BORA: variants seen among roughly 807,000 people sequenced by gnomAD.
BORA encodes the protein BORA aurora kinase A activator, also known as protein aurora borealis.
BORA carries 26 observed loss-of-function variants against 55.8 expected under a neutral mutation model. That is an observed-to-expected ratio of 0.47 (90% confidence interval 0.34 to 0.65). The LOEUF (loss-of-function observed/expected upper bound fraction) is 0.65, where lower values mean the gene tolerates loss of function less well. Ranked by LOEUF, BORA falls within the 30% of genes least tolerant of loss-of-function variation. BORA has a pLI of 0.01. For synonymous variants in BORA, 201 were observed against 216.9 expected, an observed-to-expected ratio of 0.93 and a Z score of 0.64; for missense variants, 568 against 671.5, an observed-to-expected ratio of 0.85 and a Z score of 1.70.
In BORA at chr13:72,729,093, A is replaced by G; in HGVS notation, c.153A>G (p.Pro51=). The G allele has an allele frequency of 6.4e-7, 1 of 1,552,402 alleles. No homozygotes were observed. Among genetic ancestry groups the G allele is most frequent in the South Asian group, 1.2e-5 (1 of 81,762 alleles). The change falls in exon 2 of 12, where the codon CCA becomes CCG. Residue 51 remains proline (P), a splice_region_variant and synonymous_variant. Transcript: ENST00000390667. The stretch of plus-strand genomic sequence containing the variant: ...CTGTTTTTAAATCAACAAAATTACC[A>G]GTAAGTTATTCCTGACTAGTGTTTA... ...SPSVFKSTKL[P]TPGKFRWSID...
intron 5 of BORA, among the ~76,000 whole-genome samples, chr13:72,742,697 A>G (rs2033056305): frequency 6.6e-6 from 1 of 152,014 alleles, no homozygotes; most frequent in Non-Finnish European, 1.5e-5. Context: ...CACAACAGCC[A>G]AGATATGGAG....
In BORA at chr13:72,753,932, A is replaced by ATT; in HGVS notation, c.1614+111_1614+112insTT. ...GAAACTATATGAAATTTAAAACACT[A>ATT]AAAGGTAAGCCTGTTTTCTTAACAT... On this transcript the variant is annotated intron_variant, in intron 11 of 11. Coordinates refer to ENST00000390667, the MANE Select transcript of BORA (RefSeq NM_024808.5). 3 of 1,118,864 alleles carry ATT rather than the reference A, an allele frequency of 2.7e-6. No homozygotes were observed. The South Asian group carries it at 5.2e-5, about 19-fold the overall frequency. The allele number at this position is 1,118,864 out of a possible 1,614,324, so 69.3% of individuals were successfully genotyped here.
Position 72,746,780 on chromosome 13 carries a change from A to C in BORA, c.1151A>C (p.His384Pro), listed in dbSNP as rs762432607. The C allele has an allele frequency of 4.3e-6, 7 of 1,614,018 alleles. No homozygotes were observed. In the African/African-American group the frequency reaches 9.3e-5, roughly 22 times the overall value. ...CCCGCCATGGATGCTGCTGGAATAC[A>C]CCTACGGCAGTTTAGTAATGAGGCT... Reference protein sequence around the residue: ...SSPAMDAAGIHLRQFSNEAST... With the variant: ...SSPAMDAAGIPLRQFSNEAST... Residue 384 changes from histidine to proline, a missense_variant, in exon 10 of 12, where the codon CAC becomes CCC. Transcript: ENST00000390667.
intron 2 of BORA, among the ~76,000 whole-genome samples, chr13:72,730,457 T>G (rs1017550763): frequency 6.6e-6 from 1 of 152,212 alleles, no homozygotes; most frequent in Non-Finnish European, 1.5e-5. Flanking sequence ...AGGATTTGGA[T>G]AAACCTTTAA....
intron 4 of BORA, among the ~76,000 whole-genome samples, chr13:72,737,370 A>G (rs1039319186): frequency 7.9e-5 from 12 of 152,232 alleles, no homozygotes; most frequent in African/African-American, 2.9e-4. Context: ...GAATTCCACC[A>G]TACAGATACA....
intron 11 of BORA, chr13:72,754,844 TAGCTAGGGCTACAGGCATGTGCC>T (rs2033402831): frequency 2.1e-5 from 5 of 240,192 alleles, no homozygotes; most frequent in Non-Finnish European, 4.0e-5. Context: ...GCCTCCTGAG[TAGCTAGGGCTACAGGCATGTGCC>T]ACCACACCCA....
At chr13:72,731,431 G>A (rs2032814538) in intron 3 of BORA, 44 bp downstream of exon 3, 2 of 1,324,846 alleles carry the variant, frequency 1.5e-6, no homozygotes, top group South Asian at 1.2e-5. Flanking sequence ...ACACTCTCAA[G>A]TGAAGAGAGG....
Position 72,728,936 on chromosome 13 carries a change from G to C in BORA, c.-5G>C, listed in dbSNP as rs1270132079. ...TTGATTTCTTTTTAGTTTTCTCTCT[G>C]TGCTATGGGAGATGTCAAGGAATCA... On this transcript the variant is annotated 5_prime_UTR_variant, in exon 2 of 12. Transcript: ENST00000390667. 4.4e-6 allele frequency: 7 copies of C among 1,591,702 alleles called. No homozygotes were observed. The highest frequency in any genetic ancestry group is 2.3e-5 in the East Asian group (1 of 44,174).
At chr13:72,731,507 G>A in intron 3 of BORA, 120 bp downstream of exon 3, 1 of 709,906 alleles carries the variant, frequency 1.4e-6, no homozygotes, top group Non-Finnish European at 2.4e-6. Flanking sequence ...TTTTGATGCA[G>A]ATTTTTTCTA....
chr13:72,733,207 C>A (rs1400085547), intron 3 of BORA, among the ~76,000 whole-genome samples: 1 of 152,182 alleles, frequency 6.6e-6, no homozygotes, highest in African/African-American at 2.4e-5. Flanking sequence ...TTCAGTATCT[C>A]TTCTTACATA....
intron 4 of BORA, among the ~76,000 whole-genome samples, chr13:72,735,383 C>T (rs2032899528): frequency 6.6e-6 from 1 of 151,994 alleles, no homozygotes; most frequent in African/African-American, 2.4e-5. Flanking sequence ...TAGAGGAAGT[C>T]GAATATTCTC....
At chr13:72,738,393 C>T (rs1352269787) in intron 5 of BORA, among the ~76,000 whole-genome samples, 6 of 151,948 alleles carry the variant, frequency 3.9e-5, no homozygotes, top group East Asian at 1.9e-4. Flanking sequence ...TAGATAAAAC[C>T]GTAAATTGTG....
chr13:72,727,933 T>C lies in BORA; in HGVS notation c.-90T>C, dbSNP rs1310202276. The C allele has an allele frequency of 2.6e-6, 4 of 1,550,532 alleles. No individual in the cohort carries two copies. The highest frequency in any genetic ancestry group is 1.7e-6 in the Non-Finnish European group (2 of 1,147,014). Reference sequence around the variant, plus strand: ...CGGAAGCGGGGAGTTAAAGAGTCTATGCCTGTCGTGGAAGCTGGCCTGGCC... The same window carrying C: ...CGGAAGCGGGGAGTTAAAGAGTCTACGCCTGTCGTGGAAGCTGGCCTGGCC... On this transcript the variant is annotated 5_prime_UTR_variant, in exon 1 of 12. It removes an upstream start codon present in the reference 5' UTR. Coordinates refer to ENST00000390667, the MANE Select transcript of BORA (RefSeq NM_024808.5).
chr13:72,728,271 T>A (rs2032729763), intron 1 of BORA: 1 of 683,166 alleles, frequency 1.5e-6, no homozygotes, highest in Non-Finnish European at 2.7e-6. Flanking sequence ...GTGTAGCCTC[T>A]GTAGCCTCCT....
chr13:72,746,115 A>G, intron 9 of BORA, 39 bp downstream of exon 9: 1 of 1,525,530 alleles, frequency 6.6e-7, no homozygotes, highest in Admixed American at 1.8e-5. Flanking sequence ...AAAGTTTTAT[A>G]CTATCAATAT....
chr13:72,740,737 C>G (rs548387697), intron 5 of BORA, among the ~76,000 whole-genome samples: 131 of 152,228 alleles, frequency 8.6e-4, no homozygotes, highest in African/African-American at 3.1e-3. Context: ...TGAGTGTGTA[C>G]CAGTAAAACT....
intron 5 of BORA, among the ~76,000 whole-genome samples, chr13:72,738,951 C>T (rs571157446): frequency 5.9e-5 from 9 of 152,286 alleles, no homozygotes; most frequent in African/African-American, 2.2e-4. Flanking sequence ...ATTCAAAATT[C>T]TCAAATCAGA....
Position 72,738,054 on chromosome 13 carries a change from TA to T in BORA, c.388+16del. 6.4e-7 allele frequency: 1 copy of T among 1,566,692 alleles called. No homozygotes were observed. On this transcript the variant is annotated intron_variant, in intron 5 of 11. Transcript: ENST00000390667. ...GTCATTCCAGTAAATGTGAGTGTACTAAAAATGATATGAATAAAAATCAAAA... is the reference window on the plus strand; with the variant it reads ...GTCATTCCAGTAAATGTGAGTGTACTAAAATGATATGAATAAAAATCAAAA...
rs2033126428 is a variant in BORA at position 72,745,724 on chromosome 13, C to A, written c.739-220C>A. On this transcript the variant is annotated intron_variant, in intron 8 of 11. Transcript: ENST00000390667. ...TTAGTGTGAAACTTAATGGTTTGTT[C>A]AAATACAATGTGTTTATATTTTGAC... Among the ~76,000 whole-genome samples the A allele has an allele frequency of 2.0e-5, 3 of 152,108 alleles. No homozygotes were observed. In the South Asian group the frequency reaches 6.2e-4, roughly 32 times the overall value.
Sources: allele counts gnomAD v4.1 joint callset (sites outside exome capture counted in the v4.1 genomes callset), GRCh38; gene constraint gnomAD v4.1.1; transcripts MANE v1.5; gene names NCBI Gene and HGNC (gene_info 2026-07-23, HGNC 2026-07-21).